PRRT4: variants seen among roughly 807,000 people sequenced by gnomAD.
PRRT4 encodes proline-rich transmembrane protein 4.
Under a neutral mutation model 55.6 loss-of-function variants are expected in PRRT4, and 59 were observed. The ratio of observed to expected loss-of-function variants is 1.06; its 90% CI spans 0.86 to 1.32. The LOEUF (loss-of-function observed/expected upper bound fraction) is 1.32. Among genes scored for constraint, PRRT4 ranks in the 40% most tolerant of loss-of-function variants. The probability of loss-of-function intolerance (pLI) is 0.00; values close to 1 mark genes in which losing one functional copy is unlikely to be tolerated. For missense variants in PRRT4, 1,217 were observed against 1,222.0 expected (o/e 1.00, Z 0.06); for synonymous variants, 606 against 601.8 (o/e 1.01, Z -0.10).
chr7:128,357,232 ACACACTCT>A (rs1797131006), intron 4 of PRRT4, among the ~76,000 whole-genome samples: 1 of 121,538 alleles, frequency 8.2e-6, no homozygotes. Context: ...ACACACACAC[ACACACTCT>A]CTCTCTCTCT....
Position 128,352,280 on chromosome 7 carries a change from C to G in PRRT4, c.1276G>C (p.Asp426His). ...AGCCAGGCGAGCGCGGGCAGTCGAT[C>G]CCTGTGCCCATAGGCGTCGTAGAAG... Residue 426 changes from aspartate (D) to histidine (H), a missense_variant, in exon 5 of 5, where the codon GAT becomes CAT. This residue lies in a region of PRRT4 where 564 missense variants were observed against 592.9 expected (regional missense o/e 0.95). Transcript: ENST00000535159. 1.9e-6 allele frequency: 3 copies of G among 1,543,642 alleles called. No homozygotes were observed. Among genetic ancestry groups the G allele is most frequent in the Non-Finnish European group, 2.6e-6 (3 of 1,146,310 alleles).
intron 4 of PRRT4, 123 bp from the exon 6 acceptor site, chr7:128,352,801 A>C: frequency 1.1e-6 from 1 of 927,008 alleles, no homozygotes; most frequent in Non-Finnish European, 1.6e-6. Flanking sequence ...TGTCTTACAT[A>C]TGAGACTCAC....
chr7:128,353,899 G>A (rs776708136), intron 4 of PRRT4, among the ~76,000 whole-genome samples: 10 of 152,172 alleles, frequency 6.6e-5, no homozygotes, highest in Non-Finnish European at 1.0e-4. Context: ...AGGGTGAGGA[G>A]TAAGATCCTT....
At chr7:128,352,236 C>T (rs1394096687) in exon 5 of PRRT4, 2 of 1,538,940 alleles carry the variant, frequency 1.3e-6, no homozygotes, top group Non-Finnish European at 8.7e-7. Context: ...AGCAGGGCAG[C>T]GGAAGGTCCT....
At chr7:128,354,855 A>G (rs926718189) in intron 4 of PRRT4, among the ~76,000 whole-genome samples, 7 of 152,164 alleles carry the variant, frequency 4.6e-5, no homozygotes, top group African/African-American at 1.7e-4. Flanking sequence ...GAAATGAGTA[A>G]GAGTACCTAC....
In PRRT4 at chr7:128,358,660, TC is replaced by T; in HGVS notation, c.877+20del. On this transcript the variant is annotated intron_variant, in intron 4 of 4. Coordinates refer to ENST00000535159, the Ensembl canonical transcript of PRRT4. The surrounding 1 kb of genome is among the most constrained non-coding windows in gnomAD (Gnocchi z 4.4). ...AGTGCTCAATAAATAATTGTCAAGT[TC>T]AAATGAATTGGATACTTACCTAATG... 1 of 1,550,578 alleles carries T rather than the reference TC, an allele frequency of 6.4e-7. No individual in the cohort carries two copies. Among genetic ancestry groups the T allele is most frequent in the Non-Finnish European group, 8.7e-7 (1 of 1,146,068 alleles).
Position 128,358,642 on chromosome 7 carries a change from A to C in PRRT4, c.877+39T>G. 6.5e-7 allele frequency: 1 copy of C among 1,538,112 alleles called. No individual in the cohort carries two copies. ...AGTGACTAGCATGTAGTAAGTGCTCAATAAATAATTGTCAAGTTCAAATGA... is the reference window on the plus strand; with the variant it reads ...AGTGACTAGCATGTAGTAAGTGCTCCATAAATAATTGTCAAGTTCAAATGA... On this transcript the variant is annotated intron_variant, in intron 4 of 4. Transcript: ENST00000535159. This position sits in a 1 kb window ranked among gnomAD's most constrained non-coding sequence, Gnocchi z 4.4.
chr7:128,352,476 C>A (rs530537093), exon 5 of PRRT4: 9 of 1,540,084 alleles, frequency 5.8e-6, no homozygotes, highest in South Asian at 1.2e-5. Flanking sequence ...CCCAGGCCAG[C>A]CCCCAGCGAG....
intron 4 of PRRT4, among the ~76,000 whole-genome samples, chr7:128,354,570 A>ACACACACACACAC (rs1231440333): frequency 5.0e-4 from 42 of 83,484 alleles, no homozygotes; most frequent in Non-Finnish European, 1.7e-4. Context: ...GCTCAAAAAA[A>ACACACACACACAC]ACACACACAC....
At chr7:128,352,294 G>A (rs559726126) in exon 5 of PRRT4, 2 of 1,543,552 alleles carry the variant, frequency 1.3e-6, no homozygotes, top group Admixed American at 3.9e-5. Flanking sequence ...GTGCCCATAG[G>A]CGTCGTAGAA....
In PRRT4 at chr7:128,359,324, T is replaced by C. The variant is rs1409281934; in HGVS notation, c.652+16A>G. Reference sequence around the variant, plus strand: ...TGCCCAGCAGGGGCTTTCCTTGGGATGGGGTGGTTACTCACCAAAGGGTCC... The same window carrying C: ...TGCCCAGCAGGGGCTTTCCTTGGGACGGGGTGGTTACTCACCAAAGGGTCC... On this transcript the variant is annotated intron_variant, in intron 2 of 4. Transcript: ENST00000535159. 1 of 1,504,496 alleles carries C rather than the reference T, an allele frequency of 6.6e-7. No homozygotes were observed. The highest frequency in any genetic ancestry group is 2.5e-5 in the East Asian group (1 of 40,716). The allele number at this position is 1,504,496 out of a possible 1,614,324, so 93.2% of individuals were successfully genotyped here. A position where few individuals can be genotyped will look rare whatever the true frequency, so the allele number is the denominator to read the frequency against.
intron 4 of PRRT4, among the ~76,000 whole-genome samples, chr7:128,357,205 C>A (rs1367875231): frequency 7.8e-6 from 1 of 127,914 alleles, no homozygotes; most frequent in African/African-American, 3.0e-5. Context: ...CTGCTTGATA[C>A]AAATACACAC....
chr7:128,358,632 G>T lies in PRRT4; in HGVS notation c.877+49C>A. 6.7e-7 allele frequency: 1 copy of T among 1,494,412 alleles called. No individual in the cohort carries two copies. The highest frequency in any genetic ancestry group is 2.5e-5 in the East Asian group (1 of 40,626). 92.6% of individuals were successfully genotyped at this position (1,494,412 alleles called of 1,614,324 possible). On this transcript the variant is annotated intron_variant, in intron 4 of 4. Transcript: ENST00000535159. This position sits in a 1 kb window ranked among gnomAD's most constrained non-coding sequence, Gnocchi z 4.4. ...AACACTGATGAGTGACTAGCATGTAGTAAGTGCTCAATAAATAATTGTCAA... is the reference window on the plus strand; with the variant it reads ...AACACTGATGAGTGACTAGCATGTATTAAGTGCTCAATAAATAATTGTCAA...
rs1394004867 is a variant in PRRT4 at position 128,359,117 on chromosome 7, C to T, written c.757+32G>A. 9 of 1,543,720 alleles carry T rather than the reference C, an allele frequency of 5.8e-6. No individual in the cohort carries two copies. The Admixed American group carries it at 1.6e-4, about 27-fold the overall frequency. ...ACAGCGCTTGGCACGTAGAGTGTTCCACAATAGTTTATTGCAATGAAATAA... is the reference window on the plus strand; with the variant it reads ...ACAGCGCTTGGCACGTAGAGTGTTCTACAATAGTTTATTGCAATGAAATAA... On this transcript the variant is annotated intron_variant, in intron 3 of 4. Coordinates refer to ENST00000535159, the Ensembl canonical transcript of PRRT4.
exon 5 of PRRT4, chr7:128,351,746 G>A: frequency 6.9e-7 from 1 of 1,456,080 alleles, no homozygotes; most frequent in Non-Finnish European, 9.0e-7. Context: ...CCCAGGCGCA[G>A]GCCTAGCTGG....
At chr7:128,359,701 G>A (rs1394053482) in exon 2 of PRRT4, 4 of 1,551,548 alleles carry the variant, frequency 2.6e-6, no homozygotes, top group Non-Finnish European at 3.5e-6. Context: ...ATTCCCAAAG[G>A]GGGTCAGTCC....
chr7:128,351,666 C>T (rs1254725273), exon 5 of PRRT4: 10 of 1,511,844 alleles, frequency 6.6e-6, no homozygotes, highest in Non-Finnish European at 7.9e-6. Context: ...AGCAGCGCGG[C>T]GGCACGCGAG....
At chr7:128,357,897 G>A (rs955702946) in intron 4 of PRRT4, among the ~76,000 whole-genome samples, 2 of 152,232 alleles carry the variant, frequency 1.3e-5, no homozygotes, top group Non-Finnish European at 2.9e-5. Context: ...AGGTTTCTGA[G>A]AGGTAGGGTC....
exon 5 of PRRT4, chr7:128,351,381 T>G: frequency 6.5e-7 from 1 of 1,544,280 alleles, no homozygotes; most frequent in Middle Eastern, 1.7e-4. Context: ...GCAGGTTGAT[T>G]GGGGAGGGCG....
Sources: gnomAD v4.1 joint callset for allele counts (sites outside exome capture counted in the v4.1 genomes callset) on GRCh38, gnomAD v4.1.1 for gene constraint, gnomAD v4.1.1 regional missense constraint, Gnocchi (gnomAD v3.1) non-coding constraint, MANE v1.5 for transcripts, NCBI Gene and HGNC (gene_info 2026-07-23, HGNC 2026-07-21) for gene names.